Variants in FAM20B observed in about 807,000 individuals in gnomAD.
FAM20B encodes glycosaminoglycan xylosylkinase.
A neutral mutation model predicts 43.8 loss-of-function variants in FAM20B; 23 were observed. That is an observed-to-expected ratio of 0.53 (90% CI 0.38 to 0.74). The LOEUF (loss-of-function observed/expected upper bound fraction) is 0.74. Ranked by LOEUF, FAM20B falls within the 30% of genes least tolerant of loss-of-function variation. FAM20B has a pLI of 0.00. For missense variants in FAM20B, 440 were observed against 510.5 expected, an observed-to-expected ratio of 0.86 and a Z score of 1.33; for synonymous variants, 178 against 192.4, an observed-to-expected ratio of 0.93 and a Z score of 0.62.
chr1:179,050,250 T>C, intron 2 of FAM20B, 29 bp from the exon 3 acceptor site: 1 of 1,514,810 alleles, frequency 6.6e-7, no homozygotes, highest in Non-Finnish European at 9.2e-7. Context: ...AATCCACGTA[T>C]ACATCTGTGC....
the FAM20B span, among the ~76,000 whole-genome samples, chr1:179,018,605 C>T: frequency 6.6e-6 from 1 of 152,118 alleles, no homozygotes; most frequent in East Asian, 1.9e-4. Flanking sequence ...CCATGCCCGG[C>T]CCCAAAGATC....
At chr1:179,024,634 C>G (rs1483354409), upstream of FAM20B, among the ~76,000 whole-genome samples, 2 of 152,344 alleles carry the variant, frequency 1.3e-5, no homozygotes, top group East Asian at 3.9e-4. Flanking sequence ...ACAATGCCTT[C>G]TGCATTTGAC....
chr1:179,069,587 G>C (rs2102527740), intron 7 of FAM20B, among the ~76,000 whole-genome samples: 1 of 152,188 alleles, frequency 6.6e-6, no homozygotes. Context: ...GGTGGGGCTG[G>C]TCTCGAACTC....
chr1:179,041,105 G>A (rs948079909), intron 1 of FAM20B, among the ~76,000 whole-genome samples: 2 of 130,924 alleles, frequency 1.5e-5, no homozygotes, highest in South Asian at 2.2e-4. Context: ...GATGGCGGCC[G>A]GGAAGAGGCG....
At chr1:179,025,517 G>T (rs1438519403), upstream of FAM20B, among the ~76,000 whole-genome samples, 1 of 152,136 alleles carries the variant, frequency 6.6e-6, no homozygotes, top group Non-Finnish European at 1.5e-5. Context: ...CTCGACCTAG[G>T]GGACCGCAAC....
chr1:179,052,193 T>G (rs139624784), intron 3 of FAM20B, among the ~76,000 whole-genome samples: 1 of 152,204 alleles, frequency 6.6e-6, no homozygotes, highest in Non-Finnish European at 1.5e-5. Context: ...CAAATATTAA[T>G]GGTCTTAATA....
intron 4 of FAM20B, among the ~76,000 whole-genome samples, chr1:179,058,728 CAA>C (rs1421363875): frequency 6.6e-6 from 1 of 152,128 alleles, no homozygotes; most frequent in Non-Finnish European, 1.5e-5. Context: ...AGGGGAGAAT[CAA>C]GAGCTGAGAG....
upstream of FAM20B, among the ~76,000 whole-genome samples, chr1:179,022,448 C>CTG (rs147225409): frequency 5.9e-5 from 9 of 151,884 alleles, no homozygotes; most frequent in Admixed American, 2.0e-4. Flanking sequence ...AAAAGAAACT[C>CTG]TGTGTGTGTG....
chr1:179,040,637 C>G (rs1319721081), intron 1 of FAM20B, among the ~76,000 whole-genome samples: 2 of 133,618 alleles, frequency 1.5e-5, no homozygotes, highest in Non-Finnish European at 3.2e-5. Context: ...CCTCACCTCC[C>G]GGACGGGGCG....
Position 179,064,466 on chromosome 1 carries a change from G to A in FAM20B, c.908G>A (p.Ser303Asn). Residue 303 changes from serine (S) to asparagine (N), a missense_variant, in exon 6 of 8, where the codon AGT (serine) becomes AAT (asparagine). By Grantham distance (46) the Ser-to-Asn change is conservative. Coordinates refer to ENST00000263733, the MANE Select transcript of FAM20B (RefSeq NM_014864.4). ...YESFQDDEGASMLILLDNAKS... is the reference protein window; with the variant it reads ...YESFQDDEGANMLILLDNAKS... ...AGCTTTCAAGATGATGAAGGCGCTA[G>A]TATGCTCATCCTTCTTGATAATGCC... The A allele has an allele frequency of 1.2e-6, 2 of 1,614,026 alleles. No individual in the cohort carries two copies. The highest frequency in any genetic ancestry group is 1.7e-6 in the Non-Finnish European group (2 of 1,179,888).
intron 1 of FAM20B, among the ~76,000 whole-genome samples, chr1:179,027,773 A>G (rs1006628254): frequency 2.0e-5 from 3 of 152,230 alleles, no homozygotes; most frequent in African/African-American, 7.2e-5. Flanking sequence ...GTTTCTCTAG[A>G]ACTGGTAGGA....
intron 7 of FAM20B, among the ~76,000 whole-genome samples, chr1:179,069,573 T>C (rs1651830340): frequency 1.3e-5 from 2 of 152,122 alleles, no homozygotes; most frequent in African/African-American, 2.4e-5. Context: ...GGTTTCAACA[T>C]GTTGGTGGGG....
At chr1:179,040,431 G>C (rs1440769517) in intron 1 of FAM20B, among the ~76,000 whole-genome samples, 1 of 151,154 alleles carries the variant, frequency 6.6e-6, no homozygotes, top group African/African-American at 2.4e-5. Flanking sequence ...TCCCAGTAGG[G>C]GCGGCCGGGC....
chr1:179,047,845 T>C (rs995276589), intron 2 of FAM20B, among the ~76,000 whole-genome samples: 4 of 152,234 alleles, frequency 2.6e-5, no homozygotes, highest in African/African-American at 9.6e-5. Flanking sequence ...ATAGGAATGA[T>C]TTATTGGCAG....
At chr1:179,033,701 CTT>C (rs750043052) in intron 1 of FAM20B, among the ~76,000 whole-genome samples, 11 of 151,950 alleles carry the variant, frequency 7.2e-5, no homozygotes, top group Non-Finnish European at 1.6e-4. Context: ...TTTTCTTTTT[CTT>C]TTTTTCTTTT....
intron 4 of FAM20B, 21 bp downstream of exon 4, chr1:179,054,659 AT>A: frequency 7.1e-7 from 1 of 1,409,780 alleles, no homozygotes; most frequent in Non-Finnish European, 1.0e-6. Context: ...TGTAGAGGAC[AT>A]TTATATAGGG....
In FAM20B at chr1:179,072,455, A is replaced by G. The variant is rs1370602427; in HGVS notation, c.*311A>G. 6 of 324,734 alleles carry G rather than the reference A, an allele frequency of 1.8e-5. No individual in the cohort carries two copies. In the South Asian group the frequency reaches 2.7e-4, roughly 15 times the overall value. The allele number at this position is 324,734 out of a possible 1,614,324, so 20.1% of individuals were successfully genotyped here. On this transcript the variant is annotated 3_prime_UTR_variant, in exon 8 of 8. Transcript: ENST00000263733. ...ACAAACAGGTGTGACATTTGGATAG[A>G]TGAATACTGGGATTGGCTCTGGAGC...
At chr1:179,049,468 T>G (rs1408845107) in intron 2 of FAM20B, among the ~76,000 whole-genome samples, 1 of 152,228 alleles carries the variant, frequency 6.6e-6, no homozygotes, top group South Asian at 2.1e-4. Context: ...TAACAAAGAT[T>G]GAGTTATATC....
intron 1 of FAM20B, among the ~76,000 whole-genome samples, chr1:179,040,515 G>A (rs879194769): frequency 1.4e-5 from 2 of 144,066 alleles, no homozygotes; most frequent in Admixed American, 6.8e-5. Context: ...CCTCCCGGAC[G>A]GGGCGGCTGG....
Sources: gnomAD v4.1 joint callset for allele counts (sites outside exome capture counted in the v4.1 genomes callset) on GRCh38, gnomAD v4.1.1 for gene constraint, MANE v1.5 for transcripts, NCBI Gene and HGNC (gene_info 2026-07-23, HGNC 2026-07-21) for gene names.